The following MEI4 variants were observed in gnomAD, a reference collection of about 807,000 sequenced individuals.
The protein encoded by MEI4 is meiosis-specific protein MEI4.
Under a neutral mutation model 31.4 loss-of-function variants are expected in MEI4, and 27 were observed. That is an observed-to-expected ratio of 0.86 (90% CI 0.63 to 1.19). The LOEUF is 1.19. Among genes scored for constraint, MEI4 ranks in the 50% most tolerant of loss-of-function variants. The probability of loss-of-function intolerance (pLI) is 0.00; values close to 1 mark genes in which losing one functional copy is unlikely to be tolerated. For missense variants in MEI4, 329 were observed against 398.9 expected, an observed-to-expected ratio of 0.82 and a Z score of 1.49; for synonymous variants, 122 against 145.4, an observed-to-expected ratio of 0.84 and a Z score of 1.16.
At chr6:77,835,047 T>G (rs1375579742) in intron 4 of MEI4, among the ~76,000 whole-genome samples, 1 of 151,680 alleles carries the variant, frequency 6.6e-6, no homozygotes, top group East Asian at 1.9e-4. Context: ...TAATTATCTT[T>G]TATATTTTTC....
chr6:77,915,758 T>C (rs1037816576), intron 4 of MEI4, among the ~76,000 whole-genome samples: 1 of 151,998 alleles, frequency 6.6e-6, no homozygotes, highest in African/African-American at 2.4e-5. Flanking sequence ...TAATTCTGTC[T>C]CTTTGGGGAT....
chr6:77,729,586 G>A (rs530231320), intron 2 of MEI4, among the ~76,000 whole-genome samples: 47 of 152,290 alleles, frequency 3.1e-4, no homozygotes, highest in East Asian at 1.9e-4. Flanking sequence ...GCAAGAAACA[G>A]GTAATGCAGG....
At position 77,766,284 on chromosome 6, in the gene MEI4, A is replaced by G. The variant is rs74918226; in HGVS notation, c.768+4619A>G. Among the ~76,000 whole-genome samples, 1,349 of 152,206 alleles carry G rather than the reference A, an allele frequency of 8.9e-3. 14 individuals carry two copies. The highest frequency in any genetic ancestry group is 0.03 in the African/African-American group (1,251 of 41,506). On this transcript the variant is annotated intron_variant, in intron 3 of 4. Transcript: ENST00000684080. ...AAAGCTGTGCTATGTTGCATCTCTG[A>G]TATAGCATTTTGAAGTTGGTGATTC...
intron 4 of MEI4, among the ~76,000 whole-genome samples, chr6:77,866,026 A>G (rs1044099063): frequency 6.6e-6 from 1 of 152,170 alleles, no homozygotes; most frequent in Admixed American, 6.5e-5. Flanking sequence ...ACAAAATTTA[A>G]CAACTCTTCA....
intron 4 of MEI4, among the ~76,000 whole-genome samples, chr6:77,859,230 C>A (rs1173019688): frequency 6.6e-6 from 1 of 152,100 alleles, no homozygotes; most frequent in African/African-American, 2.4e-5. Context: ...GTATTCCATA[C>A]TGTATATGTA....
rs532497490 is a variant in MEI4, at chr6:77,887,443, T to C, written c.901-35646T>C. ...TCCTGAGTAGTTGGGATTACAGGCA[T>C]CGCCCACCACACCCGGCTAATTTTT... On this transcript the variant is annotated intron_variant, in intron 4 of 4. Transcript: ENST00000684080. Among the ~76,000 whole-genome samples the C allele has an allele frequency of 1.4e-3, 213 of 151,922 alleles. 1 individual carries two copies. Among genetic ancestry groups the C allele is most frequent in the African/African-American group, 4.5e-3 (187 of 41,484 alleles).
At chr6:77,706,336 G>A (rs963276435) in intron 2 of MEI4, among the ~76,000 whole-genome samples, 1 of 152,132 alleles carries the variant, frequency 6.6e-6, no homozygotes, top group Non-Finnish European at 1.5e-5. Context: ...AGAGAGGCCA[G>A]GAAAAATCCA....
At chr6:77,702,061 A>G (rs926329544) in intron 2 of MEI4, among the ~76,000 whole-genome samples, 2 of 152,140 alleles carry the variant, frequency 1.3e-5, no homozygotes, top group Non-Finnish European at 2.9e-5. Flanking sequence ...TTGTATAAGC[A>G]TGTATTCAGG....
intron 2 of MEI4, among the ~76,000 whole-genome samples, chr6:77,745,462 T>G (rs539983830): frequency 1.3e-5 from 2 of 152,290 alleles, no homozygotes; most frequent in East Asian, 3.9e-4. Flanking sequence ...GCACCCAGAT[T>G]CATAAAGCAA....
At chr6:77,826,933 A>T (rs1377895595) in intron 3 of MEI4, among the ~76,000 whole-genome samples, 5 of 152,156 alleles carry the variant, frequency 3.3e-5, no homozygotes, top group Non-Finnish European at 7.4e-5. Context: ...TTTCAAGACT[A>T]ATGTGGCACT....
At chr6:77,850,755 G>A (rs1185955363) in intron 4 of MEI4, among the ~76,000 whole-genome samples, 1 of 152,148 alleles carries the variant, frequency 6.6e-6, no homozygotes, top group Non-Finnish European at 1.5e-5. Flanking sequence ...AACACCAAAA[G>A]CAATGGTAAC....
chr6:77,904,342 T>G (rs551983864), intron 4 of MEI4, among the ~76,000 whole-genome samples: 1 of 152,236 alleles, frequency 6.6e-6, no homozygotes, highest in African/African-American at 2.4e-5. Context: ...AGGGAGTACA[T>G]GTGCAGTTTA....
intron 4 of MEI4, among the ~76,000 whole-genome samples, chr6:77,830,862 A>C (rs1489563716): frequency 6.6e-6 from 1 of 152,058 alleles, no homozygotes; most frequent in Non-Finnish European, 1.5e-5. Context: ...TTTGGGTAAG[A>C]CCTTAAAAAC....
intron 4 of MEI4, among the ~76,000 whole-genome samples, chr6:77,907,767 A>C (rs891142597): frequency 1.3e-5 from 2 of 152,126 alleles, no homozygotes; most frequent in South Asian, 2.1e-4. Flanking sequence ...TCCCACCAAC[A>C]GTGTAAAAGT....
chr6:77,750,140 C>T (rs1286430618), intron 2 of MEI4, among the ~76,000 whole-genome samples: 2 of 152,150 alleles, frequency 1.3e-5, no homozygotes, highest in African/African-American at 2.4e-5. Flanking sequence ...TGGAAAGGAA[C>T]AACCGGTACC....
At chr6:77,868,198 C>T (rs998051971) in intron 4 of MEI4, among the ~76,000 whole-genome samples, 2 of 148,662 alleles carry the variant, frequency 1.3e-5, no homozygotes, top group Non-Finnish European at 3.0e-5. Flanking sequence ...TACACATGTA[C>T]CCTTAAAGCA....
At chr6:77,726,530 G>T (rs549014069) in intron 2 of MEI4, among the ~76,000 whole-genome samples, 45 of 152,276 alleles carry the variant, frequency 3.0e-4, no homozygotes, top group African/African-American at 1.0e-3. Flanking sequence ...TACAACCCAG[G>T]AAGGGAAGAA....
chr6:77,806,790 G>T (rs953660820), intron 3 of MEI4, among the ~76,000 whole-genome samples: 2 of 152,062 alleles, frequency 1.3e-5, no homozygotes, highest in Non-Finnish European at 2.9e-5. Context: ...ATCAGGGATT[G>T]GCAAACTATG....
chr6:77,815,976 A>AT (rs1320028050), intron 3 of MEI4, among the ~76,000 whole-genome samples: 1 of 152,084 alleles, frequency 6.6e-6, no homozygotes, highest in African/African-American at 2.4e-5. Flanking sequence ...GGCAGAGCCA[A>AT]TTTTTTCTCA....
Sources: gnomAD v4.1 joint callset for allele counts (sites outside exome capture counted in the v4.1 genomes callset) on GRCh38, gnomAD v4.1.1 for gene constraint, MANE v1.5 for transcripts, NCBI Gene and HGNC (gene_info 2026-07-23, HGNC 2026-07-21) for gene names.